Variants in BLACAT1 observed in about 807,000 individuals in gnomAD.
The protein encoded by BLACAT1 is BLACAT1 overlapping LEMD1 locus.
intron 1 of BLACAT1, among the ~76,000 whole-genome samples, chr1:205,447,603 C>T (rs780555076): frequency 7.3e-5 from 11 of 151,628 alleles, no homozygotes; most frequent in South Asian, 2.1e-4. Flanking sequence ...GTGGGAGTGG[C>T]GACAGGCATA....
At chr1:205,445,723 C>T (rs374936743) in intron 1 of BLACAT1, among the ~76,000 whole-genome samples, 1 of 152,306 alleles carries the variant, frequency 6.6e-6, no homozygotes, top group East Asian at 1.9e-4. Context: ...CAGCCTGGCT[C>T]GGCAGAGGCT....
At chr1:205,455,758 T>A (rs1425437331) in intron 1 of BLACAT1, among the ~76,000 whole-genome samples, 159 bp downstream of exon 1, 1 of 152,124 alleles carries the variant, frequency 6.6e-6, no homozygotes, top group Non-Finnish European at 1.5e-5. Flanking sequence ...GGTGAGTGCC[T>A]GAACCCGCAT....
chr1:205,447,473 AACAG>A (rs1207694705), intron 1 of BLACAT1, among the ~76,000 whole-genome samples: 1 of 151,992 alleles, frequency 6.6e-6, no homozygotes, highest in Admixed American at 6.6e-5. Context: ...TGGGGACTGG[AACAG>A]GGAGTAGGAG....
At chr1:205,445,197 TCTCC>T (rs1666363296) in intron 1 of BLACAT1, among the ~76,000 whole-genome samples, 2 of 151,804 alleles carry the variant, frequency 1.3e-5, no homozygotes, top group Admixed American at 6.6e-5. Flanking sequence ...TCCCTCTCCC[TCTCC>T]CTCTGGCCGC....
chr1:205,439,656 G>A (rs1666261183), downstream of BLACAT1, among the ~76,000 whole-genome samples: 1 of 152,158 alleles, frequency 6.6e-6, no homozygotes, highest in Non-Finnish European at 1.5e-5. Context: ...CTGTCAGAAG[G>A]GCTATTCTGT....
At chr1:205,455,475 C>A (rs1403049687) in intron 1 of BLACAT1, among the ~76,000 whole-genome samples, 2 of 152,188 alleles carry the variant, frequency 1.3e-5, no homozygotes, top group Admixed American at 6.5e-5. Flanking sequence ...GTGTCACAAA[C>A]CCCTGATCCC....
intron 1 of BLACAT1, among the ~76,000 whole-genome samples, chr1:205,455,164 C>T (rs1666547846): frequency 6.6e-6 from 1 of 152,144 alleles, no homozygotes; most frequent in Admixed American, 6.5e-5. Context: ...GCTCCTCCTC[C>T]AGGTGGGCTC....
At position 205,441,827 on chromosome 1, in the gene BLACAT1, G is replaced by A. The variant is rs763089609; in HGVS notation, c.-36-765C>T. Among the ~76,000 whole-genome samples the A allele has an allele frequency of 7.2e-5, 11 of 152,190 alleles. No homozygotes were observed. Among genetic ancestry groups the A allele is most frequent in the Admixed American group, 5.9e-4 (9 of 15,284 alleles). On this transcript the variant is annotated intron_variant, in intron 1 of 1. Transcript: ENST00000629624. The surrounding 1 kb of genome is among the most constrained non-coding windows in gnomAD (Gnocchi z 4.3). ...CCCTGGCACATAAGTCTGAGGTAGA[G>A]GCTGAGGCTGGATCTGCCCCAGCTG... is the stretch of plus-strand genomic sequence containing the variant.
rs150914159 is a variant in BLACAT1 at position 205,448,128 on chromosome 1, G to C, written c.-36-7066C>G. The stretch of plus-strand genomic sequence containing the variant: ...TCACCGGCCCAGTCTCTTCATTCCA[G>C]AGTGAGGAAACAGGGCCAGAAGGGA... On this transcript the variant is annotated intron_variant, in intron 1 of 1. Transcript: ENST00000629624. This position sits in a 1 kb window ranked among gnomAD's most constrained non-coding sequence, Gnocchi z 4.7. Among the ~76,000 whole-genome samples the C allele has an allele frequency of 7.0e-4, 106 of 152,288 alleles. No homozygotes were observed. Among genetic ancestry groups the C allele is most frequent in the African/African-American group, 2.1e-3 (87 of 41,562 alleles).
intron 1 of BLACAT1, among the ~76,000 whole-genome samples, chr1:205,453,447 G>A (rs1413659755): frequency 1.3e-5 from 2 of 152,154 alleles, no homozygotes; most frequent in Non-Finnish European, 2.9e-5. Flanking sequence ...CTGAGGTAAA[G>A]TGGGGTGGGC....
At chr1:205,453,433 C>T (rs908840797) in intron 1 of BLACAT1, among the ~76,000 whole-genome samples, 2 of 152,152 alleles carry the variant, frequency 1.3e-5, no homozygotes, top group Admixed American at 1.3e-4. Flanking sequence ...GAGCCCCCAG[C>T]CCCCTGAGGT....
chr1:205,444,414 C>T (rs549476887), intron 1 of BLACAT1, among the ~76,000 whole-genome samples: 14 of 152,120 alleles, frequency 9.2e-5, no homozygotes, highest in South Asian at 8.3e-4. Context: ...AGAAGAGATG[C>T]CAATCCATAG....
chr1:205,437,093 T>C (rs923026025), downstream of BLACAT1: 4 of 152,514 alleles, frequency 2.6e-5, no homozygotes, highest in African/African-American at 9.6e-5. Flanking sequence ...CTCCAGCCAC[T>C]GGGCAAAATG....
Position 205,450,432 on chromosome 1 carries a change from C to A in BLACAT1, c.-37+5485G>T, listed in dbSNP as rs1315195148. ...GAGACCTGAGACGGCTCCCTGCAGG[C>A]CCCCCTCTCCTGCCTGGCCCCCCTC... is the stretch of plus-strand genomic sequence containing the variant. On this transcript the variant is annotated intron_variant, in intron 1 of 1. Coordinates refer to ENST00000629624, the Ensembl canonical transcript of BLACAT1. This position sits in a 1 kb window ranked among gnomAD's most constrained non-coding sequence, Gnocchi z 4.4. Among the ~76,000 whole-genome samples, 1 of 147,776 alleles carries A rather than the reference C, an allele frequency of 6.8e-6. No individual in the cohort carries two copies. Among genetic ancestry groups the A allele is most frequent in the Non-Finnish European group, 1.5e-5 (1 of 66,888 alleles).
At chr1:205,455,973 C>CTT (rs989965204) in exon 1 of BLACAT1, 9 of 152,250 alleles carry the variant, frequency 5.9e-5, no homozygotes, top group African/African-American at 2.2e-4. Context: ...CTCTCTCTCT[C>CTT]TTTCTCTCTC....
In BLACAT1 at chr1:205,441,628, T is replaced by C. The variant is rs1666295203; in HGVS notation, c.-36-566A>G. On this transcript the variant is annotated intron_variant, in intron 1 of 1. Transcript: ENST00000629624. The surrounding 1 kb of genome is among the most constrained non-coding windows in gnomAD (Gnocchi z 4.3). ...TTGTCTGACACCCTAGGAAAGCCTATAGGGAGCAATTATACCCTTCCTTTG... is the reference window on the plus strand; with the variant it reads ...TTGTCTGACACCCTAGGAAAGCCTACAGGGAGCAATTATACCCTTCCTTTG... 6.6e-6 allele frequency among the ~76,000 whole-genome samples: 1 copy of C among 152,170 alleles called. No homozygotes were observed. Among genetic ancestry groups the C allele is most frequent in the Non-Finnish European group, 1.5e-5 (1 of 68,016 alleles).
intron 1 of BLACAT1, chr1:205,449,849 G>A (rs1221693776): frequency 6.6e-6 from 1 of 152,476 alleles, no homozygotes; most frequent in Non-Finnish European, 1.5e-5. Context: ...AGGGGCTGGG[G>A]GTCCCAGGGG....
At chr1:205,447,002 G>A (rs908755137) in intron 1 of BLACAT1, among the ~76,000 whole-genome samples, 6 of 152,344 alleles carry the variant, frequency 3.9e-5, no homozygotes, top group African/African-American at 1.4e-4. Context: ...TTGGGCCACG[G>A]GGCCAATTTG....
At chr1:205,452,129 G>A (rs1177450482) in intron 1 of BLACAT1, among the ~76,000 whole-genome samples, 1 of 152,160 alleles carries the variant, frequency 6.6e-6, no homozygotes. Context: ...CTCCTCTGTA[G>A]TAACAAGTCC....
Sources: gnomAD v4.1 joint callset for allele counts (sites outside exome capture counted in the v4.1 genomes callset) on GRCh38, gnomAD v4.1.1 for gene constraint, Gnocchi (gnomAD v3.1) non-coding constraint, MANE v1.5 for transcripts, NCBI Gene and HGNC (gene_info 2026-07-23, HGNC 2026-07-21) for gene names.